SLC25A48: variants seen among roughly 807,000 people sequenced by gnomAD.
The protein encoded by SLC25A48 is CTC-321K16.1.
SLC25A48 carries 29 observed loss-of-function variants against 32.2 expected under a neutral mutation model. The ratio of observed to expected loss-of-function variants is 0.90; its 90% CI spans 0.67 to 1.23. The LOEUF (loss-of-function observed/expected upper bound fraction) is 1.23. Ranked by LOEUF, SLC25A48 falls within the 50% of genes most tolerant of loss-of-function variation. The pLI is 0.00. For missense variants in SLC25A48, 399 were observed against 422.7 expected (o/e 0.94, Z 0.49); for synonymous variants, 164 against 172.3 (o/e 0.95, Z 0.38).
intron 2 of SLC25A48, among the ~76,000 whole-genome samples, chr5:135,846,877 G>A (rs1470821161): frequency 6.6e-6 from 1 of 152,154 alleles, no homozygotes; most frequent in African/African-American, 2.4e-5. Flanking sequence ...ATGTTAAATA[G>A]TCAAATGCAA....
intron 6 of SLC25A48, chr5:135,876,002 C>A (rs1762001598): frequency 6.6e-6 from 1 of 152,138 alleles, no homozygotes; most frequent in South Asian, 2.1e-4. Flanking sequence ...GATGGAGAAA[C>A]TCAAAGCTTT....
In SLC25A48 at chr5:135,865,187, T is replaced by A. The variant is rs371257282; in HGVS notation, c.422-6274T>A. Among the ~76,000 whole-genome samples the A allele has an allele frequency of 1.6e-4, 24 of 152,320 alleles. No individual in the cohort carries two copies. The East Asian group carries it at 1.9e-3, about 12-fold the overall frequency. ...TGAGATTGAATCTCTTGCATGGGGTTGTACATTAAGTAGCAACTGAATAGG... is the reference window on the plus strand; with the variant it reads ...TGAGATTGAATCTCTTGCATGGGGTAGTACATTAAGTAGCAACTGAATAGG... On this transcript the variant is annotated intron_variant, in intron 4 of 7. Coordinates refer to ENST00000681962, the MANE Select transcript of SLC25A48 (RefSeq NM_001349336.2).
At chr5:135,808,135 T>A (rs1757506573) in intron 3 of SLC25A48, among the ~76,000 whole-genome samples, 1 of 151,038 alleles carries the variant, frequency 6.6e-6, no homozygotes, top group South Asian at 2.1e-4. Flanking sequence ...AAACTAGATA[T>A]TTTAAATGTC....
rs57138043 is a variant in SLC25A48 at position 135,611,496 on chromosome 5, C to CAAAAAAAAAAAAAAAAAA, written c.-848-17727_-848-17710dup. On this transcript the variant is annotated intron_variant, in intron 1 of 10. Transcript: ENST00000646290. ...TCGGTGACAGAGCGAGACTCCATCT[C>CAAAAAAAAAAAAAAAAAA]AAAAAAAAAAAAAAAAAAAAAAAAA... Among the ~76,000 whole-genome samples, 27 of 21,344 alleles carry CAAAAAAAAAAAAAAAAAA rather than the reference C, an allele frequency of 1.3e-3. 2 individuals are homozygous for CAAAAAAAAAAAAAAAAAA. The highest frequency in any genetic ancestry group is 1.6e-3 in the Non-Finnish European group (20 of 12,268). 14.0% of individuals were successfully genotyped at this position (21,344 alleles called of 152,430 possible).
intron 3 of SLC25A48, among the ~76,000 whole-genome samples, chr5:135,710,588 G>A (rs1037608187): frequency 6.6e-6 from 1 of 152,192 alleles, no homozygotes; most frequent in Non-Finnish European, 1.5e-5. Context: ...CCTCTCTGGA[G>A]CACAGTTTGC....
chr5:135,820,692 C>T (rs1455092183), intron 4 of SLC25A48, among the ~76,000 whole-genome samples: 1 of 152,146 alleles, frequency 6.6e-6, no homozygotes, highest in Non-Finnish European at 1.5e-5. Context: ...TTTGGTATTT[C>T]AAATCAGGTT....
chr5:135,801,537 AT>A (rs1757327226), intron 3 of SLC25A48, among the ~76,000 whole-genome samples: 1 of 151,192 alleles, frequency 6.6e-6, no homozygotes, highest in Admixed American at 6.6e-5. Flanking sequence ...GGGGAAGAAG[AT>A]GATATTACTT....
At chr5:135,579,840 C>T (rs936684576) in intron 1 of SLC25A48, among the ~76,000 whole-genome samples, 5 of 152,126 alleles carry the variant, frequency 3.3e-5, no homozygotes, top group African/African-American at 1.2e-4. Flanking sequence ...GACATTGTGC[C>T]AGAATGCGAG....
chr5:135,802,965 C>T (rs1225987779), intron 3 of SLC25A48: 1 of 151,172 alleles, frequency 6.6e-6, no homozygotes, highest in African/African-American at 2.4e-5. Context: ...AAAGATATTA[C>T]TTCTAATATC....
chr5:135,727,148 T>G (rs758738650), intron 3 of SLC25A48, among the ~76,000 whole-genome samples: 1 of 150,886 alleles, frequency 6.6e-6, no homozygotes, highest in Non-Finnish European at 1.5e-5. Flanking sequence ...TTAAATTGAA[T>G]TTTTTTTTAC....
intron 3 of SLC25A48, among the ~76,000 whole-genome samples, chr5:135,641,969 A>C (rs1196565526): frequency 6.6e-6 from 1 of 152,264 alleles, no homozygotes; most frequent in South Asian, 2.1e-4. Flanking sequence ...ACATAGAGCC[A>C]GATGGCTTTA....
intron 3 of SLC25A48, among the ~76,000 whole-genome samples, chr5:135,771,374 T>C (rs1434356354): frequency 6.6e-6 from 1 of 151,576 alleles, no homozygotes; most frequent in African/African-American, 2.4e-5. Context: ...GGGGATAGAG[T>C]GTATTACTTC....
chr5:135,888,257 C>A lies in SLC25A48; in HGVS notation c.*233C>A. 1.8e-6 allele frequency: 1 copy of A among 547,496 alleles called. No individual in the cohort carries two copies. The highest frequency in any genetic ancestry group is 3.0e-5 in the Admixed American group (1 of 33,118). The allele number at this position is 547,496 out of a possible 1,614,324, so 33.9% of individuals were successfully genotyped here. On this transcript the variant is annotated 3_prime_UTR_variant, in exon 8 of 8. Transcript: ENST00000681962. ...GATCCCCAATGCCCACTCTGCTAGG[C>A]TGGCATCAAAGAGCTTTCCAAGAAA...
intron 2 of SLC25A48, among the ~76,000 whole-genome samples, chr5:135,632,352 T>C (rs1752595777): frequency 6.6e-6 from 1 of 151,890 alleles, no homozygotes; most frequent in Admixed American, 6.6e-5. Context: ...TATTAGGAGG[T>C]AGATATGTTT....
At chr5:135,722,680 C>T (rs564435636) in intron 3 of SLC25A48, among the ~76,000 whole-genome samples, 7 of 152,306 alleles carry the variant, frequency 4.6e-5, no homozygotes, top group South Asian at 4.1e-4. Context: ...AATTGAATAA[C>T]GCATGTAAAG....
chr5:135,582,690 C>T (rs1021945437), intron 1 of SLC25A48, among the ~76,000 whole-genome samples: 18 of 152,170 alleles, frequency 1.2e-4, no homozygotes, highest in Admixed American at 8.5e-4. Flanking sequence ...ATGCTCCCCA[C>T]AGGCTGTGCT....
At chr5:135,721,942 A>G (rs528444164) in intron 3 of SLC25A48, among the ~76,000 whole-genome samples, 1 of 152,318 alleles carries the variant, frequency 6.6e-6, no homozygotes, top group East Asian at 1.9e-4. Flanking sequence ...ACCAGAAATG[A>G]TCCTCAGAGA....
intron 3 of SLC25A48, among the ~76,000 whole-genome samples, chr5:135,699,401 T>G (rs1754338138): frequency 1.1e-5 from 1 of 91,716 alleles, no homozygotes; most frequent in Non-Finnish European, 2.4e-5. Context: ...AACATTACGC[T>G]GGGAAAAAAA....
intron 3 of SLC25A48, among the ~76,000 whole-genome samples, chr5:135,674,913 T>G (rs1487251671): frequency 9.7e-4 from 10 of 10,284 alleles, no homozygotes; most frequent in Admixed American, 6.2e-3. Context: ...TTAGTGGGGT[T>G]TTTTTTTTTG....
Sources: allele counts gnomAD v4.1 joint callset (sites outside exome capture counted in the v4.1 genomes callset), GRCh38; gene constraint gnomAD v4.1.1; transcripts MANE v1.5; gene names NCBI Gene and HGNC (gene_info 2026-07-23, HGNC 2026-07-21).